The following CDH12 variants were observed in gnomAD, a reference collection of about 807,000 sequenced individuals.
The protein encoded by CDH12 is cadherin 12.
In CDH12, 41 loss-of-function variants were observed where a neutral mutation model predicts 74.1. The ratio of observed to expected loss-of-function variants is 0.55; its 90% CI spans 0.43 to 0.72. CDH12 has a LOEUF of 0.72. CDH12 is among the 30% of genes least tolerant of loss of function. The pLI is 0.00. For missense variants in CDH12, 945 were observed against 977.2 expected (o/e 0.97, Z 0.44); for synonymous variants, 399 against 355.0 (o/e 1.12, Z -1.39).
intron 5 of CDH12, among the ~76,000 whole-genome samples, chr5:21,979,087 C>T (rs1401519406): frequency 1.3e-5 from 2 of 152,090 alleles, no homozygotes; most frequent in Non-Finnish European, 2.9e-5. Flanking sequence ...TTTACACAGC[C>T]TTTTTAATCT....
chr5:22,359,180 A>G (rs1313586295), intron 3 of CDH12, among the ~76,000 whole-genome samples: 2 of 152,160 alleles, frequency 1.3e-5, no homozygotes, highest in Admixed American at 1.3e-4. Flanking sequence ...GTATTCAGGA[A>G]ACCCATTTCA....
At chr5:21,973,935 C>T (rs2150121607) in intron 6 of CDH12, among the ~76,000 whole-genome samples, 1 of 152,072 alleles carries the variant, frequency 6.6e-6, no homozygotes, top group Non-Finnish European at 1.5e-5. Flanking sequence ...AACAGATTTG[C>T]AGCCTTGGGT....
At chr5:22,565,217 A>G (rs1739232365) in intron 1 of CDH12, among the ~76,000 whole-genome samples, 1 of 152,162 alleles carries the variant, frequency 6.6e-6, no homozygotes, top group Non-Finnish European at 1.5e-5. Flanking sequence ...TATAGGCATG[A>G]GCTACCACGC....
chr5:22,510,146 C>A (rs923720399), intron 1 of CDH12, among the ~76,000 whole-genome samples: 4 of 151,944 alleles, frequency 2.6e-5, no homozygotes, highest in Admixed American at 2.0e-4. Context: ...ACATTTAAAG[C>A]CTTCAGAGAA....
chr5:22,228,831 T>C (rs1318891066), intron 3 of CDH12, among the ~76,000 whole-genome samples: 1 of 152,110 alleles, frequency 6.6e-6, no homozygotes, highest in Non-Finnish European at 1.5e-5. Context: ...CTAATTAAAA[T>C]TATAGCCTCC....
chr5:22,588,990 A>T (rs1356462545), intron 1 of CDH12, among the ~76,000 whole-genome samples: 1 of 152,116 alleles, frequency 6.6e-6, no homozygotes, highest in Admixed American at 6.6e-5. Flanking sequence ...GCCCTGTGTT[A>T]GATTTGATTA....
At chr5:22,453,395 T>C (rs1003182914) in intron 2 of CDH12, among the ~76,000 whole-genome samples, 3 of 152,160 alleles carry the variant, frequency 2.0e-5, no homozygotes, top group African/African-American at 7.2e-5. Context: ...AATGGAATGC[T>C]ATTCAGCTAT....
chr5:21,811,454 T>A (rs898810789), intron 9 of CDH12, among the ~76,000 whole-genome samples: 6 of 152,048 alleles, frequency 3.9e-5, no homozygotes, highest in Admixed American at 3.9e-4. Flanking sequence ...TTCGTGTAAC[T>A]CACTATCCAT....
At chr5:22,141,203 G>C (rs891597861) in intron 4 of CDH12, 4 of 152,164 alleles carry the variant, frequency 2.6e-5, no homozygotes, top group Non-Finnish European at 4.4e-5. Flanking sequence ...GCTGGATGCT[G>C]AGAATAAAAC....
chr5:22,343,870 C>T (rs182635196), intron 3 of CDH12, among the ~76,000 whole-genome samples: 19 of 152,314 alleles, frequency 1.2e-4, no homozygotes, highest in Admixed American at 9.8e-4. Context: ...ACAACTATCT[C>T]TTTATTAATT....
chr5:22,713,528 G>C (rs1425127177), intron 1 of CDH12, among the ~76,000 whole-genome samples: 1 of 152,000 alleles, frequency 6.6e-6, no homozygotes, highest in Non-Finnish European at 1.5e-5. Flanking sequence ...GGGTTGTTGT[G>C]AGGCTTGAGT....
Position 21,783,242 on chromosome 5 carries a change from GCGAGACCA to G in CDH12, c.1393+108_1393+115del, listed in dbSNP as rs1409727224. On this transcript the variant is annotated intron_variant, in intron 11 of 14. Coordinates refer to ENST00000382254, the MANE Select transcript of CDH12 (RefSeq NM_004061.5). Reference sequence around the variant, plus strand: ...AAGGAATAGGTTTCTGAGTTTCCCCGCGAGACCACTCAGCTGTCAGTCCAAAAATGAAA... The same window carrying G: ...AAGGAATAGGTTTCTGAGTTTCCCCGCTCAGCTGTCAGTCCAAAAATGAAA... The G allele has an allele frequency of 5.8e-6, 5 of 866,088 alleles. No individual in the cohort carries two copies. In the Admixed American group the frequency reaches 9.9e-5, roughly 17 times the overall value. The allele number at this position is 866,088 out of a possible 1,614,324, so 53.7% of individuals were successfully genotyped here.
intron 9 of CDH12, among the ~76,000 whole-genome samples, chr5:21,807,167 T>A (rs558811073): frequency 1.3e-5 from 2 of 152,292 alleles, no homozygotes; most frequent in East Asian, 3.9e-4. Context: ...GGCATATGTC[T>A]CAACCAGTCC....
chr5:21,875,396 G>A (rs1419455793), intron 6 of CDH12, among the ~76,000 whole-genome samples: 1 of 152,156 alleles, frequency 6.6e-6, no homozygotes, highest in Admixed American at 6.5e-5. Flanking sequence ...CACTTAGTGA[G>A]CCCTCATCAA....
intron 3 of CDH12, among the ~76,000 whole-genome samples, chr5:22,242,353 T>C (rs1168437418): frequency 2.0e-5 from 3 of 152,210 alleles, no homozygotes; most frequent in Non-Finnish European, 2.9e-5. Context: ...GACACTTCTA[T>C]ATTTTTCGTT....
At chr5:22,127,417 C>T (rs1200757891) in intron 4 of CDH12, among the ~76,000 whole-genome samples, 1 of 148,704 alleles carries the variant, frequency 6.7e-6, no homozygotes, top group Non-Finnish European at 1.5e-5. Context: ...GCGGAGGTTG[C>T]AGTGTGCCAA....
chr5:22,238,517 G>T (rs1580435637), intron 3 of CDH12, among the ~76,000 whole-genome samples: 3 of 152,164 alleles, frequency 2.0e-5, no homozygotes, highest in Admixed American at 2.0e-4. Context: ...AGCAAGTAAA[G>T]TTGTGGAAGA....
At chr5:22,359,998 C>T (rs552768926) in intron 3 of CDH12, among the ~76,000 whole-genome samples, 2 of 152,142 alleles carry the variant, frequency 1.3e-5, no homozygotes, top group East Asian at 3.9e-4. Context: ...AAAATTGACA[C>T]CCTAACATCA....
At chr5:21,916,408 A>AC (rs1176632583) in intron 6 of CDH12, among the ~76,000 whole-genome samples, 1 of 152,144 alleles carries the variant, frequency 6.6e-6, no homozygotes, top group East Asian at 1.9e-4. Context: ...CTCCAGTGAA[A>AC]CATTTTTCTT....
Sources: allele counts gnomAD v4.1 joint callset (sites outside exome capture counted in the v4.1 genomes callset), GRCh38; gene constraint gnomAD v4.1.1; transcripts MANE v1.5; gene names NCBI Gene and HGNC (gene_info 2026-07-23, HGNC 2026-07-21).